The following FDFT1 variants were observed in gnomAD, a reference collection of about 807,000 sequenced individuals.
FDFT1 encodes squalene synthase.
FDFT1 carries 68 observed loss-of-function variants against 46.8 expected under a neutral mutation model. The observed-to-expected ratio is 1.45, with a 90% CI of 1.19 to 1.78. The LOEUF (loss-of-function observed/expected upper bound fraction) is 1.78. Ranked by LOEUF, FDFT1 falls within the 40% of genes most tolerant of loss-of-function variation. The pLI is 0.00. For missense variants in FDFT1, 928 were observed against 524.4 expected, an observed-to-expected ratio of 1.77 and a Z score of -7.52; for synonymous variants, 351 against 185.1, an observed-to-expected ratio of 1.90 and a Z score of -7.28.
intron 3 of FDFT1, 117 bp downstream of exon 3, chr8:11,809,967 A>T: frequency 1.3e-6 from 1 of 769,542 alleles, no homozygotes; most frequent in Non-Finnish European, 2.0e-6. Context: ...AGGGCAGCAT[A>T]ATGTGAGGGT....
intron 3 of FDFT1, among the ~76,000 whole-genome samples, chr8:11,812,539 C>G (rs1807873370): frequency 1.3e-5 from 2 of 152,346 alleles, no homozygotes; most frequent in African/African-American, 4.8e-5. Flanking sequence ...GAATAAAACT[C>G]TGAGGGACTA....
At chr8:11,815,570 G>C (rs1297126586) in intron 3 of FDFT1, among the ~76,000 whole-genome samples, 2 of 152,154 alleles carry the variant, frequency 1.3e-5, no homozygotes, top group Non-Finnish European at 2.9e-5. Flanking sequence ...ATTGTAACTG[G>C]CTTGAGATGG....
At chr8:11,827,307 C>G (rs554355483) in intron 5 of FDFT1, among the ~76,000 whole-genome samples, 4 of 152,152 alleles carry the variant, frequency 2.6e-5, no homozygotes, top group South Asian at 4.2e-4. Context: ...GAAAATGATT[C>G]TGCTGAAAGA....
chr8:11,831,954 G>C (rs1028054847), intron 7 of FDFT1, among the ~76,000 whole-genome samples: 1 of 152,200 alleles, frequency 6.6e-6, no homozygotes, highest in Non-Finnish European at 1.5e-5. Context: ...GATGATGCAG[G>C]AGGCCAACCA....
At chr8:11,813,558 A>C (rs1052339631) in intron 3 of FDFT1, among the ~76,000 whole-genome samples, 1 of 152,186 alleles carries the variant, frequency 6.6e-6, no homozygotes, top group Admixed American at 6.5e-5. Context: ...GAATCAATGA[A>C]TCTGGAAGGT....
At chr8:11,809,452 T>C in intron 2 of FDFT1, 1 of 1,284,522 alleles carries the variant, frequency 7.8e-7, no homozygotes, top group Non-Finnish European at 9.8e-7. Context: ...ATTCAACTAG[T>C]AGGCTTTTTA....
rs186046901 is a variant in FDFT1 at position 11,817,038 on chromosome 8, C to T, written c.382-4712C>T. ...AATAGCTCCTTATTATTTTGAGATG[C>T]GTTCCATCAATATCTAGTTTACTGA... On this transcript the variant is annotated intron_variant, in intron 3 of 7. Transcript: ENST00000220584. Among the ~76,000 whole-genome samples the T allele has an allele frequency of 5.1e-3, 775 of 152,188 alleles. 4 individuals are homozygous for T. Among genetic ancestry groups the T allele is most frequent in the Middle Eastern group, 0.031 (9 of 294 alleles).
chr8:11,808,767 A>G (rs530434218), intron 1 of FDFT1, 27 bp from the exon 2 acceptor site: 4 of 1,597,946 alleles, frequency 2.5e-6, no homozygotes, highest in South Asian at 2.2e-5. Context: ...GACGTCTCCC[A>G]CCGCCGTGTG....
At chr8:11,802,996 G>T in intron 1 of FDFT1, 65 bp downstream of exon 1, 1 of 1,540,956 alleles carries the variant, frequency 6.5e-7, no homozygotes. Context: ...CTCAGGGCCT[G>T]AGCGGCCGGG....
At chr8:11,825,625 G>A (rs947859517) in intron 4 of FDFT1, among the ~76,000 whole-genome samples, 1 of 149,042 alleles carries the variant, frequency 6.7e-6, no homozygotes, top group Non-Finnish European at 1.5e-5. Context: ...AGCTGAGGCA[G>A]AAAGATTGCT....
At chr8:11,809,557 T>C (rs553179129) in intron 2 of FDFT1, 110 bp from the exon 3 acceptor site, 5 of 1,315,194 alleles carry the variant, frequency 3.8e-6, no homozygotes, top group South Asian at 1.7e-5. Context: ...TATAGTTCTT[T>C]AGAGTTAAGG....
chr8:11,818,960 C>A (rs931674600), intron 3 of FDFT1, among the ~76,000 whole-genome samples: 6 of 152,164 alleles, frequency 3.9e-5, no homozygotes, highest in Non-Finnish European at 7.3e-5. Flanking sequence ...ATGGTCTTTA[C>A]AATTTGGCAT....
chr8:11,838,846 C>A lies in FDFT1; in HGVS notation c.*237C>A. ...GTGATGATCACTGTGCTGCTTGTGGCTCATGGCAGAGCATTCAGTGCCACG... is the reference window on the plus strand; with the variant it reads ...GTGATGATCACTGTGCTGCTTGTGGATCATGGCAGAGCATTCAGTGCCACG... On this transcript the variant is annotated 3_prime_UTR_variant, in exon 8 of 8. Transcript: ENST00000220584. The A allele has an allele frequency of 1.9e-6, 1 of 525,720 alleles. No homozygotes were observed. Among genetic ancestry groups the A allele is most frequent in the Non-Finnish European group, 3.4e-6 (1 of 292,476 alleles). The allele number at this position is 525,720 out of a possible 1,614,324, so 32.6% of individuals were successfully genotyped here.
At chr8:11,831,839 C>T (rs566492334) in intron 7 of FDFT1, 169 bp downstream of exon 7, 179 of 620,642 alleles carry the variant, frequency 2.9e-4, no homozygotes, top group Non-Finnish European at 4.6e-4. Flanking sequence ...TTCACAGGAG[C>T]CGAGCAGATT....
Position 11,820,104 on chromosome 8 carries a change from G to T in FDFT1, c.382-1646G>T, listed in dbSNP as rs148265500. ...TTTTCCTTCTAACAGAGGCCCGTCA[G>T]CTGCAGGTCTGTTGGAGTTGCTGGA... On this transcript the variant is annotated intron_variant, in intron 3 of 7. Coordinates refer to ENST00000220584, the MANE Select transcript of FDFT1 (RefSeq NM_004462.5). Among the ~76,000 whole-genome samples the T allele has an allele frequency of 9.9e-3, 1,513 of 152,280 alleles. 25 individuals carry two copies. The highest frequency in any genetic ancestry group is 0.034 in the African/African-American group (1,423 of 41,542).
intron 1 of FDFT1, chr8:11,808,180 G>C (rs748653020): frequency 1.8e-5 from 16 of 911,758 alleles, no homozygotes; most frequent in Non-Finnish European, 2.2e-5. Context: ...GATGCGTTGA[G>C]TACAAAGTCC....
At chr8:11,800,129 T>C (rs1324551519), upstream of FDFT1, among the ~76,000 whole-genome samples, 1 of 150,382 alleles carries the variant, frequency 6.6e-6, no homozygotes, top group Non-Finnish European at 1.5e-5. Context: ...GCGTGGTGGT[T>C]GGGCGCCTGT....
rs755611965 is a variant in FDFT1, at chr8:11,835,971, TAAA to T, written c.1033-2395_1033-2393del. Among the ~76,000 whole-genome samples the T allele has an allele frequency of 9.8e-3, 636 of 64,598 alleles. 5 individuals are homozygous for T. The highest frequency in any genetic ancestry group is 0.086 in the South Asian group (136 of 1,582). 42.4% of individuals were successfully genotyped at this position (64,598 alleles called of 152,430 possible). On this transcript the variant is annotated intron_variant, in intron 7 of 7. Coordinates refer to ENST00000220584, the MANE Select transcript of FDFT1 (RefSeq NM_004462.5). ...TTATGTGATGAAACCCTGTCTCTACTAAAAAAAAAAAAAAAAAAAAAAAATACA... is the reference window on the plus strand; with the variant it reads ...TTATGTGATGAAACCCTGTCTCTACTAAAAAAAAAAAAAAAAAAAAATACA...
intron 1 of FDFT1, 75 bp downstream of exon 1, chr8:11,803,006 GC>G: frequency 3.3e-6 from 5 of 1,531,840 alleles, no homozygotes; most frequent in Non-Finnish European, 4.4e-6. Flanking sequence ...GAGCGGCCGG[GC>G]CCGGATCTGG....
Sources: gnomAD v4.1 joint callset for allele counts (sites outside exome capture counted in the v4.1 genomes callset) on GRCh38, gnomAD v4.1.1 for gene constraint, MANE v1.5 for transcripts, NCBI Gene and HGNC (gene_info 2026-07-23, HGNC 2026-07-21) for gene names.